The following SHC1 variants were observed in gnomAD, a reference collection of about 807,000 sequenced individuals.
The protein encoded by SHC1 is SHC-transforming protein 1.
A neutral mutation model predicts 55.9 loss-of-function variants in SHC1; 30 were observed. The observed-to-expected ratio is 0.54, with a 90% confidence interval of 0.40 to 0.73. The LOEUF is 0.73. Among genes scored for constraint, SHC1 ranks in the 30% least tolerant of loss-of-function variants. SHC1 has a pLI of 0.00. For missense variants in SHC1, 675 were observed against 777.1 expected (o/e 0.87, Z 1.56); for synonymous variants, 309 against 306.1 (o/e 1.01, Z -0.10).
chr1:154,970,200 C>G lies in SHC1; in HGVS notation c.327G>C (p.Gln109His). Residue 109 changes from glutamine to histidine, a missense_variant, in exon 1 of 12, where the codon CAG becomes CAC. Around this residue, in one of 3 missense-constraint regions of SHC1, gnomAD observed 156 missense variants for 159.1 expected, o/e 0.98. Coordinates refer to ENST00000448116, the MANE Select transcript of SHC1 (RefSeq NM_001130040.2). This position sits in a 1 kb window ranked among gnomAD's most constrained non-coding sequence, Gnocchi z 5.5. Reference protein sequence around the residue: ...MPDSGPLPLLQDMNKLSGGGG... With the variant: ...MPDSGPLPLLHDMNKLSGGGG... The stretch of plus-strand genomic sequence containing the variant: ...CGCCTCCACTCAGCTTGTTCATGTC[C>G]TGGAGGAGGGGTAGGGGGCCTGAGT... 6.2e-7 allele frequency: 1 copy of G among 1,613,842 alleles called. No homozygotes were observed. The highest frequency in any genetic ancestry group is 8.5e-7 in the Non-Finnish European group (1 of 1,179,954).
At chr1:154,972,628 G>A (rs1021957736), upstream of SHC1, among the ~76,000 whole-genome samples, 8 of 152,182 alleles carry the variant, frequency 5.3e-5, no homozygotes, top group Admixed American at 4.6e-4. Context: ...AACGGGTGTG[G>A]GCGTTCGGAA....
chr1:154,969,659 T>TG (rs1656483820), intron 1 of SHC1, among the ~76,000 whole-genome samples: 1 of 152,050 alleles, frequency 6.6e-6, no homozygotes, highest in Non-Finnish European at 1.5e-5. Flanking sequence ...CCTCACACAC[T>TG]GGGGAGAGAG....
Position 154,963,803 on chromosome 1 carries a change from TCA to T in SHC1, c.1753_1754del (p.Ter585IlefsTer20). On this transcript the variant is annotated frameshift_variant and stop_lost, in exon 12 of 12. Transcript: ENST00000448116. LOFTEE classifies it high-confidence loss of function. ...TTCTGGAAGAGAGCGCTAGGGCAGA[TCA>T]CAGTTTCCGCTCCACAGGTTGCTGT... ...CLQQPVERKL[*>X] The T allele has an allele frequency of 1.9e-6, 3 of 1,613,694 alleles. No homozygotes were observed. Among genetic ancestry groups the T allele is most frequent in the Non-Finnish European group, 2.5e-6 (3 of 1,180,002 alleles).
In SHC1 at chr1:154,965,897, A is replaced by G. The variant is rs1227118680; in HGVS notation, c.1387+49T>C. 1.9e-6 allele frequency: 3 copies of G among 1,588,042 alleles called. No individual in the cohort carries two copies. In the African/African-American group the frequency reaches 4.0e-5, roughly 21 times the overall value. ...AGCAGATAGGCAGGAGAAGGGCCAG[A>G]ACCAAGTAGAAAGGTGGGGATGCAG... On this transcript the variant is annotated intron_variant, in intron 10 of 11. Coordinates refer to ENST00000448116, the MANE Select transcript of SHC1 (RefSeq NM_001130040.2).
Position 154,965,739 on chromosome 1 carries a change from G to A in SHC1, c.1430C>T (p.Ser477Leu), listed in dbSNP as rs8191984. Residue 477 changes from serine (S) to leucine (L), a missense_variant, in exon 11 of 12, where the codon TCG (serine) becomes TTG (leucine). Physicochemically the swap from Ser to Leu is moderately radical, Grantham distance 145. This residue lies in a region of SHC1 where 360 missense variants were observed against 371.1 expected (regional missense o/e 0.97). Coordinates refer to ENST00000448116, the MANE Select transcript of SHC1 (RefSeq NM_001130040.2). ...TCGGAGCTGCTCAGCCATGGACACC[G>A]ACTGGGGAGGTGGAGGCACGCGAAG... is the stretch of plus-strand genomic sequence containing the variant. ...DALRVPPPPQSVSMAEQLRGE... is the reference protein window; with the variant it reads ...DALRVPPPPQLVSMAEQLRGE... 1.2e-4 allele frequency: 200 copies of A among 1,614,102 alleles called. No individual in the cohort carries two copies. In the East Asian group the frequency reaches 3.5e-3, roughly 29 times the overall value.
intron 6 of SHC1, 55 bp from the exon 7 acceptor site, chr1:154,967,852 A>G: frequency 1.2e-6 from 2 of 1,608,482 alleles, no homozygotes; most frequent in Non-Finnish European, 1.7e-6. Context: ...GGAGGCACAG[A>G]CAGGGGCCCT....
rs778431612 is a variant in SHC1, at chr1:154,963,931, C to T, written c.1627G>A (p.Val543Ile). The T allele has an allele frequency of 1.2e-5, 19 of 1,613,980 alleles. No individual in the cohort carries two copies. In the South Asian group the frequency reaches 2.1e-4, roughly 18 times the overall value. The change falls in exon 12 of 12, where the codon GTT becomes ATT. Residue 543 changes from valine to isoleucine, a missense_variant and splice_region_variant. Physicochemically the swap from Val to Ile is conservative, Grantham distance 29. Around this residue, in one of 3 missense-constraint regions of SHC1, gnomAD observed 360 missense variants for 371.1 expected, o/e 0.97. Coordinates refer to ENST00000448116, the MANE Select transcript of SHC1 (RefSeq NM_001130040.2). Reference sequence around the variant, plus strand: ...TCAAAGCGGTGATCCTTAGTCCGAACCTGGGAGGGTGGGAAGGAAGAAGGT... The same window carrying T: ...TCAAAGCGGTGATCCTTAGTCCGAATCTGGGAGGGTGGGAAGGAAGAAGGT... ...HLLLVDPEGV[V>I]RTKDHRFESV... is the part of the protein sequence containing the mutation.
In SHC1 at chr1:154,970,405, G is replaced by A. The variant is rs761276345; in HGVS notation, c.122C>T (p.Ser41Phe). The A allele has an allele frequency of 4.4e-6, 7 of 1,604,272 alleles. No individual in the cohort carries two copies. Among genetic ancestry groups the A allele is most frequent in the Non-Finnish European group, 6.0e-6 (7 of 1,175,754 alleles). The stretch of plus-strand genomic sequence containing the variant: ...CAGAGGAGGCAGGATGGGCCCCAGG[G>A]ATGAAGCTGATGGGGAAGGCAGCTC... ...PEELPSPSASSLGPILPPLPG... is the reference protein window; with the variant it reads ...PEELPSPSASFLGPILPPLPG... Residue 41 changes from serine (S) to phenylalanine (F), a missense_variant, in exon 1 of 12, where the codon TCC (serine) becomes TTC (phenylalanine). Ser to Phe is a radical substitution (Grantham distance 155, BLOSUM62 -2). Around this residue, in one of 3 missense-constraint regions of SHC1, gnomAD observed 156 missense variants for 159.1 expected, o/e 0.98. Coordinates refer to ENST00000448116, the MANE Select transcript of SHC1 (RefSeq NM_001130040.2). This position sits in a 1 kb window ranked among gnomAD's most constrained non-coding sequence, Gnocchi z 5.5.
rs1182737873 is a variant in SHC1, at chr1:154,970,637, C to G, written c.-111G>C. Reference sequence around the variant, plus strand: ...CTTAGCCTGGTTGGACCTCTGTGGCCCAGGAGTCACAGAAGTCCTGGGGAG... The same window carrying G: ...CTTAGCCTGGTTGGACCTCTGTGGCGCAGGAGTCACAGAAGTCCTGGGGAG... On this transcript the variant is annotated 5_prime_UTR_variant, in exon 1 of 12. Coordinates refer to ENST00000448116, the MANE Select transcript of SHC1 (RefSeq NM_001130040.2). This position sits in a 1 kb window ranked among gnomAD's most constrained non-coding sequence, Gnocchi z 5.5. The G allele has an allele frequency of 2.2e-5, 15 of 689,854 alleles. No homozygotes were observed. Among genetic ancestry groups the G allele is most frequent in the Non-Finnish European group, 3.7e-5 (15 of 406,082 alleles). The allele number at this position is 689,854 out of a possible 1,614,324, so 42.7% of individuals were successfully genotyped here.
rs890337109 is a variant in SHC1 at position 154,969,269 on chromosome 1, C to A, written c.566+109G>T. Reference sequence around the variant, plus strand: ...AGCTTTCTCTCAATCCCCTTTACTACGCAAAGATCAGCCCCCAGCAGCAGC... The same window carrying A: ...AGCTTTCTCTCAATCCCCTTTACTAAGCAAAGATCAGCCCCCAGCAGCAGC... On this transcript the variant is annotated intron_variant, in intron 2 of 11. Coordinates refer to ENST00000448116, the MANE Select transcript of SHC1 (RefSeq NM_001130040.2). 3.2e-5 allele frequency: 24 copies of A among 746,548 alleles called. No individual in the cohort carries two copies. In the South Asian group the frequency reaches 3.5e-4, roughly 11 times the overall value. The allele number at this position is 746,548 out of a possible 1,614,324, so 46.2% of individuals were successfully genotyped here.
chr1:154,962,513 T>G lies in SHC1; in HGVS notation c.*1290A>C, dbSNP rs1439633893. ...GTACTCAGGAACTGCAGGTTTTGCG[T>G]TTCCCCTCCATGAAACTGACAGGCA... On this transcript the variant is annotated 3_prime_UTR_variant, in exon 12 of 12. Coordinates refer to ENST00000448116, the MANE Select transcript of SHC1 (RefSeq NM_001130040.2). 1 of 152,464 alleles carries G rather than the reference T, an allele frequency of 6.6e-6. No individual in the cohort carries two copies. Among genetic ancestry groups the G allele is most frequent in the Non-Finnish European group, 1.5e-5 (1 of 68,028 alleles). 9.4% of individuals were successfully genotyped at this position (152,464 alleles called of 1,614,324 possible).
At chr1:154,973,206 G>A (rs534085500), upstream of SHC1, 1 of 152,304 alleles carries the variant, frequency 6.6e-6, no homozygotes, top group African/African-American at 2.4e-5. Flanking sequence ...ACCCTTGGAG[G>A]AGGTTAAGAA....
intron 1 of SHC1, 57 bp from the exon 2 acceptor site, chr1:154,969,505 A>T: frequency 1.7e-6 from 2 of 1,156,268 alleles, no homozygotes; most frequent in Non-Finnish European, 2.6e-6. Context: ...CAGCCCCTTC[A>T]CAAAGGGCCC....
intron 7 of SHC1, among the ~76,000 whole-genome samples, chr1:154,967,262 C>T (rs183717465): frequency 2.0e-5 from 3 of 152,272 alleles, no homozygotes; most frequent in Admixed American, 6.5e-5. Context: ...ACTGCTTATC[C>T]CTCAAGGCCT....
At position 154,966,531 on chromosome 1, in the gene SHC1, C is replaced by T; in HGVS notation, c.984-14G>A. ...AAGCCAGCCATCCTGAGGGACAGGA[C>T]AGTGAAGCTGTGGCTGTAAATGTGT... On this transcript the variant is annotated splice_polypyrimidine_tract_variant and intron_variant, in intron 7 of 11. Coordinates refer to ENST00000448116, the MANE Select transcript of SHC1 (RefSeq NM_001130040.2). The T allele has an allele frequency of 6.5e-7, 1 of 1,547,868 alleles. No homozygotes were observed. The highest frequency in any genetic ancestry group is 8.8e-7 in the Non-Finnish European group (1 of 1,142,684).
upstream of SHC1, among the ~76,000 whole-genome samples, chr1:154,971,482 A>G (rs1235399561): frequency 1.3e-5 from 2 of 152,294 alleles, no homozygotes; most frequent in Admixed American, 6.5e-5. Flanking sequence ...TATGCCATCT[A>G]CCACACCAAG....
chr1:154,969,987 C>T, intron 1 of SHC1, 45 bp downstream of exon 1: 1 of 1,606,892 alleles, frequency 6.2e-7, no homozygotes, highest in South Asian at 1.1e-5. Context: ...AGCATTAGAA[C>T]TGGAGGGGGT....
intron 8 of SHC1, 41 bp from the exon 9 acceptor site, chr1:154,966,272 A>G: frequency 6.2e-7 from 1 of 1,612,046 alleles, no homozygotes; most frequent in Non-Finnish European, 8.5e-7. Flanking sequence ...AGCCCTAACC[A>G]ACCACTCCCA....
rs1388655166 is a variant in SHC1, at chr1:154,970,363, G to A, written c.164C>T (p.Pro55Leu). The A allele has an allele frequency of 2.5e-6, 4 of 1,605,636 alleles. No individual in the cohort carries two copies. In the African/African-American group the frequency reaches 4.0e-5, roughly 16 times the overall value. The change falls in exon 1 of 12, where the codon CCC becomes CTC. Residue 55 changes from proline to leucine, a missense_variant. By Grantham distance (98) the Pro-to-Leu change is moderately conservative. This residue lies in a region of SHC1 where 156 missense variants were observed against 159.1 expected (regional missense o/e 0.98). Transcript: ENST00000448116. The surrounding 1 kb of genome is among the most constrained non-coding windows in gnomAD (Gnocchi z 5.5). Reference protein sequence around the residue: ...ILPPLPGDDSPTTLCSFFPRM... With the variant: ...ILPPLPGDDSLTTLCSFFPRM... The stretch of plus-strand genomic sequence containing the variant: ...GGGGAAGAAGGAGCACAGGGTAGTG[G>A]GACTATCGTCCCCAGGCAGAGGAGG...
Sources: allele counts gnomAD v4.1 joint callset (sites outside exome capture counted in the v4.1 genomes callset), GRCh38; gene constraint gnomAD v4.1.1; regional missense constraint gnomAD v4.1.1; non-coding constraint Gnocchi (gnomAD v3.1); transcripts MANE v1.5; gene names NCBI Gene and HGNC (gene_info 2026-07-23, HGNC 2026-07-21).